PPP6R1: variants seen among roughly 807,000 people sequenced by gnomAD.
PPP6R1 encodes serine/threonine-protein phosphatase 6 regulatory subunit 1.
PPP6R1 carries 39 observed loss-of-function variants against 104.6 expected under a neutral mutation model. The observed-to-expected ratio is 0.37, with a 90% confidence interval of 0.29 to 0.49. The LOEUF (loss-of-function observed/expected upper bound fraction) is 0.49, where lower values mean the gene tolerates loss of function less well. Among genes scored for constraint, PPP6R1 ranks in the 20% least tolerant of loss-of-function variants. The pLI is 0.98. For synonymous variants in PPP6R1, 549 were observed against 479.0 expected (o/e 1.15, Z -1.91); for missense variants, 1,181 against 1,155.8 (o/e 1.02, Z -0.32).
intron 17 of PPP6R1, among the ~76,000 whole-genome samples, chr19:55,233,580 C>T (rs1336263617): frequency 1.3e-5 from 2 of 152,304 alleles, no homozygotes; most frequent in African/African-American, 2.4e-5. Context: ...AGAACTCATA[C>T]ATTAGTTCAG....
rs1182684737 is a variant in PPP6R1 at position 55,241,585 on chromosome 19, C to G, written c.900G>C (p.Glu300Asp). ...TTTCCAGGGCCCCCTGGGCCAGGAGCTCCAGCTGCCCATCCACACTGCTGA... is the reference window on the plus strand; with the variant it reads ...TTTCCAGGGCCCCCTGGGCCAGGAGGTCCAGCTGCCCATCCACACTGCTGA... Reference protein sequence around the residue: ...SFFSSVDGQLELLAQGALEST... With the variant: ...SFFSSVDGQLDLLAQGALEST... Residue 300 changes from glutamate (E) to aspartate (D), a missense_variant, in exon 8 of 24, where the codon GAG becomes GAC. Glu to Asp is a conservative substitution (Grantham distance 45). Around this residue, in one of 2 missense-constraint regions of PPP6R1, gnomAD observed 1,042 missense variants for 955.6 expected, o/e 1.09. Transcript: ENST00000412770. This position sits in a 1 kb window ranked among gnomAD's most constrained non-coding sequence, Gnocchi z 5.4. 16 of 1,585,338 alleles carry G rather than the reference C, an allele frequency of 1.0e-5. No individual in the cohort carries two copies. The highest frequency in any genetic ancestry group is 1.4e-5 in the Non-Finnish European group (16 of 1,167,170).
rs777679641 is a variant in PPP6R1 at position 55,241,215 on chromosome 19, C to T, written c.1161+24G>A. 1.4e-5 allele frequency: 22 copies of T among 1,527,512 alleles called. No individual in the cohort carries two copies. In the South Asian group the frequency reaches 2.6e-4, roughly 18 times the overall value. The allele number at this position is 1,527,512 out of a possible 1,614,324, so 94.6% of individuals were successfully genotyped here. A position where few individuals can be genotyped will look rare whatever the true frequency, so the allele number is the denominator to read the frequency against. ...CAGTCCCCGCCCCAGCCCCTGAACC[C>T]CCAGCCCGGTCCAGTCCCCGCACCA... On this transcript the variant is annotated intron_variant, in intron 9 of 23. Coordinates refer to ENST00000412770, the MANE Select transcript of PPP6R1 (RefSeq NM_014931.4). The surrounding 1 kb of genome is among the most constrained non-coding windows in gnomAD (Gnocchi z 5.4).
At position 55,239,483 on chromosome 19, in the gene PPP6R1, A is replaced by G. The variant is rs892032730; in HGVS notation, c.1673T>C (p.Met558Thr). ...AATGAAGGCAGAGGTCATGCGCTGCATCTGGAAGTCCATGAAGGCCTGTGG... is the reference window on the plus strand; with the variant it reads ...AATGAAGGCAGAGGTCATGCGCTGCGTCTGGAAGTCCATGAAGGCCTGTGG... ...VLQQAFMDFQ[M>T]QRMTSAFIDH... is the part of the protein sequence containing the mutation. Residue 558 changes from methionine (M) to threonine (T), a missense_variant, in exon 15 of 24, where the codon ATG becomes ACG. Physicochemically the swap from Met to Thr is moderately conservative, Grantham distance 81 (BLOSUM62 -1). Coordinates refer to ENST00000412770, the MANE Select transcript of PPP6R1 (RefSeq NM_014931.4). 2.5e-6 allele frequency: 4 copies of G among 1,614,014 alleles called. No individual in the cohort carries two copies. The Admixed American group carries it at 6.7e-5, about 27-fold the overall frequency.
intron 15 of PPP6R1, chr19:55,239,204 C>G: frequency 1.7e-6 from 1 of 601,410 alleles, no homozygotes; most frequent in African/African-American, 1.8e-5. Flanking sequence ...GACTGCAGAG[C>G]TGGAACTCAT....
Position 55,236,660 on chromosome 19 carries a change from G to A in PPP6R1, c.1971C>T (p.Gly657=), listed in dbSNP as rs1199848246. The A allele has an allele frequency of 6.3e-7, 1 of 1,577,094 alleles. No homozygotes were observed. Among genetic ancestry groups the A allele is most frequent in the Non-Finnish European group, 8.6e-7 (1 of 1,164,260 alleles). Residue 657 remains glycine (G), a synonymous_variant, in exon 17 of 24, where the codon GGC becomes GGT. Transcript: ENST00000412770. ...GSQLARGARL[G]QPPGVRSGGS... ...GGACTCACCGGACACCAGGTGGCTGGCCCAGACGGGCCCCCCTGGCCAGCT... is the reference window on the plus strand; with the variant it reads ...GGACTCACCGGACACCAGGTGGCTGACCCAGACGGGCCCCCCTGGCCAGCT...
chr19:55,234,063 C>T lies in PPP6R1; in HGVS notation c.1989-1852G>A, dbSNP rs557108621. Among the ~76,000 whole-genome samples the T allele has an allele frequency of 2.8e-4, 42 of 152,302 alleles. No individual in the cohort carries two copies. In the East Asian group the frequency reaches 7.3e-3, roughly 27 times the overall value. On this transcript the variant is annotated intron_variant, in intron 17 of 23. Transcript: ENST00000412770. ...CTGCCAGGTTCAAGCGATATTCCTG[C>T]CTCAGCCTCCTGAGTAGCTGGGATT... is the stretch of plus-strand genomic sequence containing the variant.
At chr19:55,249,625 G>A (rs571252336) in intron 1 of PPP6R1, among the ~76,000 whole-genome samples, 22 of 152,208 alleles carry the variant, frequency 1.4e-4, no homozygotes, top group African/African-American at 3.1e-4. Flanking sequence ...CAGATCACCC[G>A]GGGTCAGGAG....
chr19:55,237,795 G>A (rs200596238), intron 15 of PPP6R1, among the ~76,000 whole-genome samples: 89 of 152,328 alleles, frequency 5.8e-4, no homozygotes, highest in East Asian at 5.8e-4. Flanking sequence ...CCATGTCCCC[G>A]TGGCACTGGC....
In PPP6R1 at chr19:55,232,188, T is replaced by C. The variant is rs1345851855; in HGVS notation, c.2012A>G (p.Glu671Gly). 1.3e-6 allele frequency: 2 copies of C among 1,557,824 alleles called. No individual in the cohort carries two copies. Among genetic ancestry groups the C allele is most frequent in the South Asian group, 1.2e-5 (1 of 84,410 alleles). ...GVRSGGSTDS[E>G]DEEEEDEEEE... is the part of the protein sequence containing the mutation. ...CTCCTCGTCCTCCTCTTCTTCGTCC[T>C]CACTGTCTGTGCTGCCTCCACTCCT... is the stretch of plus-strand genomic sequence containing the variant. Residue 671 changes from glutamate to glycine, a missense_variant, in exon 18 of 24, where the codon GAG becomes GGG. This residue lies in a region of PPP6R1 where 1,042 missense variants were observed against 955.6 expected (regional missense o/e 1.09). Transcript: ENST00000412770.
intron 15 of PPP6R1, among the ~76,000 whole-genome samples, chr19:55,237,290 A>G (rs2087408693): frequency 6.6e-6 from 1 of 152,176 alleles, no homozygotes; most frequent in African/African-American, 2.4e-5. Flanking sequence ...CAGGTGCCAG[A>G]GAGGGATTCA....
Position 55,258,983 on chromosome 19 carries a change from C to G in PPP6R1, c.-555G>C, listed in dbSNP as rs2087618841. ...GCTCTGCGGCCGGCCTCAGGGCCTC[C>G]GACGCCCGGCTCCCTCCGCCACTAT... On this transcript the variant is annotated 5_prime_UTR_variant, in exon 1 of 24. Transcript: ENST00000412770. 1 of 152,152 alleles carries G rather than the reference C, an allele frequency of 6.6e-6. No homozygotes were observed. Among genetic ancestry groups the G allele is most frequent in the South Asian group, 2.1e-4 (1 of 4,824 alleles). 9.4% of individuals were successfully genotyped at this position (152,152 alleles called of 1,614,324 possible).
At position 55,241,118 on chromosome 19, in the gene PPP6R1, C is replaced by T. The variant is rs1263124296; in HGVS notation, c.1162-39G>A. 22 of 1,537,314 alleles carry T rather than the reference C, an allele frequency of 1.4e-5. No individual in the cohort carries two copies. Among genetic ancestry groups the T allele is most frequent in the Non-Finnish European group, 1.8e-5 (20 of 1,141,102 alleles). On this transcript the variant is annotated intron_variant, in intron 9 of 23. Coordinates refer to ENST00000412770, the MANE Select transcript of PPP6R1 (RefSeq NM_014931.4). The surrounding 1 kb of genome is among the most constrained non-coding windows in gnomAD (Gnocchi z 5.4). ...CAGGATTGGTACCAGAGAGGCCCCG[C>T]CCCAGCCGAGCCCCCAACCCCTGAG...
Position 55,245,097 on chromosome 19 carries a change from G to A in PPP6R1, c.618+23C>T, listed in dbSNP as rs368253667. ...GGGGAAGGAACTCTAAGGGGAATCC[G>A]CAGGGGCATCGGCAGCACTCACATT... On this transcript the variant is annotated intron_variant, in intron 5 of 23. Coordinates refer to ENST00000412770, the MANE Select transcript of PPP6R1 (RefSeq NM_014931.4). The surrounding 1 kb of genome is among the most constrained non-coding windows in gnomAD (Gnocchi z 6.4). 57 of 1,611,594 alleles carry A rather than the reference G, an allele frequency of 3.5e-5. No individual in the cohort carries two copies. In the African/African-American group the frequency reaches 4.7e-4, roughly 13 times the overall value.
rs1568941728 is a variant in PPP6R1, at chr19:55,230,544, G to A, written c.2643-13C>T. 1.2e-6 allele frequency: 2 copies of A among 1,613,590 alleles called. No homozygotes were observed. The highest frequency in any genetic ancestry group is 1.7e-4 in the Middle Eastern group (1 of 6,058). On this transcript the variant is annotated splice_polypyrimidine_tract_variant and intron_variant, in intron 23 of 23. Transcript: ENST00000412770. ...ACCAGGCAGCTATCTGGAAACAGAGGGAGATGTCGTGTGAGGGTCTAGCAG... is the reference window on the plus strand; with the variant it reads ...ACCAGGCAGCTATCTGGAAACAGAGAGAGATGTCGTGTGAGGGTCTAGCAG...
rs1383961193 is a variant in PPP6R1, at chr19:55,241,530, C to T, written c.955G>A (p.Ala319Thr). Residue 319 changes from alanine (A) to threonine (T), a missense_variant, in exon 8 of 24, where the codon GCC (alanine) becomes ACC (threonine). Ala to Thr is a moderately conservative substitution (Grantham distance 58, BLOSUM62 0). Coordinates refer to ENST00000412770, the MANE Select transcript of PPP6R1 (RefSeq NM_014931.4). The surrounding 1 kb of genome is among the most constrained non-coding windows in gnomAD (Gnocchi z 5.4). ...AAGCAGCTGAGCCGCGGGCGTAGGG[C>T]GTGCAAGGCGCCCACACTGGACACA... ...STVSSVGALHALRPRLSCFHQ... is the reference protein window; with the variant it reads ...STVSSVGALHTLRPRLSCFHQ... The T allele has an allele frequency of 5.7e-6, 9 of 1,581,520 alleles. No individual in the cohort carries two copies. Among genetic ancestry groups the T allele is most frequent in the African/African-American group, 1.3e-5 (1 of 74,120 alleles).
intron 1 of PPP6R1, chr19:55,247,389 G>A (rs2087519090): frequency 1.3e-5 from 6 of 464,536 alleles, no homozygotes; most frequent in Admixed American, 3.6e-5. Flanking sequence ...CCTCGCCTGA[G>A]GTCCAGGGGG....
chr19:55,228,796 T>C (rs1319541471), downstream of PPP6R1: 1 of 1,579,718 alleles, frequency 6.3e-7, no homozygotes, highest in East Asian at 2.3e-5. Flanking sequence ...CTTCAGGGGG[T>C]GGAGGGGAGG....
In PPP6R1 at chr19:55,230,808, T is replaced by C. The variant is rs200989932; in HGVS notation, c.2536A>G (p.Ser846Gly). Residue 846 changes from serine to glycine, a missense_variant, in exon 22 of 24, where the codon AGC becomes GGC. Ser to Gly is a moderately conservative substitution (Grantham distance 56). Around this residue, in one of 2 missense-constraint regions of PPP6R1, gnomAD observed 1,042 missense variants for 955.6 expected, o/e 1.09. Coordinates refer to ENST00000412770, the MANE Select transcript of PPP6R1 (RefSeq NM_014931.4). ...QPPQTTEGEK[S>G]PEPLGLPQSQ... ...TGGGGAAGCCCCAAGGGCTCTGGGC[T>C]CTTCTCCCCTTCTGTGGTCTGGGGG... 350 of 1,478,870 alleles carry C rather than the reference T, an allele frequency of 2.4e-4. No individual in the cohort carries two copies. The African/African-American group carries it at 4.8e-3, about 20-fold the overall frequency. The allele number at this position is 1,478,870 out of a possible 1,614,324, so 91.6% of individuals were successfully genotyped here.
rs1459858773 is a variant in PPP6R1 at position 55,258,921 on chromosome 19, C to G, written c.-493G>C. On this transcript the variant is annotated 5_prime_UTR_variant, in exon 1 of 24. Transcript: ENST00000412770. ...ACCGACGGAAGCCGAGGCCTACTTCCTTAACCACCCCTTCCCCAAAGCCGC... is the reference window on the plus strand; with the variant it reads ...ACCGACGGAAGCCGAGGCCTACTTCGTTAACCACCCCTTCCCCAAAGCCGC... 6.6e-6 allele frequency: 1 copy of G among 152,206 alleles called. No homozygotes were observed. Among genetic ancestry groups the G allele is most frequent in the Non-Finnish European group, 1.5e-5 (1 of 68,062 alleles). The allele number at this position is 152,206 out of a possible 1,614,324, so 9.4% of individuals were successfully genotyped here.
Sources: allele counts gnomAD v4.1 joint callset (sites outside exome capture counted in the v4.1 genomes callset), GRCh38; gene constraint gnomAD v4.1.1; regional missense constraint gnomAD v4.1.1; non-coding constraint Gnocchi (gnomAD v3.1); transcripts MANE v1.5; gene names NCBI Gene and HGNC (gene_info 2026-07-23, HGNC 2026-07-21).